KALRN: variants seen among roughly 807,000 people sequenced by gnomAD.
The protein encoded by KALRN is kalirin.
A neutral mutation model predicts 353.7 loss-of-function variants in KALRN; 70 were observed. The ratio of observed to expected loss-of-function variants is 0.20; its 90% CI spans 0.16 to 0.24. The LOEUF is 0.24. Ranked by LOEUF, KALRN falls within the 10% of genes least tolerant of loss-of-function variation. The pLI, the probability that KALRN is intolerant of heterozygous loss-of-function variation, is 1.00. For missense variants in KALRN, 2,791 were observed against 3,756.7 expected (o/e 0.74, Z 6.72); for synonymous variants, 1,391 against 1,434.8 (o/e 0.97, Z 0.69).
intron 34 of KALRN, among the ~76,000 whole-genome samples, chr3:124,626,542 C>T (rs1224052988): frequency 6.6e-6 from 1 of 152,098 alleles, no homozygotes; most frequent in Non-Finnish European, 1.5e-5. Flanking sequence ...CATACCAGAA[C>T]ATTAGGGGCT....
In KALRN at chr3:124,301,382, T is replaced by C. The variant is rs375298623; in HGVS notation, c.1092+2469T>C. 5.9e-5 allele frequency among the ~76,000 whole-genome samples: 9 copies of C among 152,312 alleles called. No individual in the cohort carries two copies. In the East Asian group the frequency reaches 9.6e-4, roughly 16 times the overall value. On this transcript the variant is annotated intron_variant, in intron 6 of 59. Transcript: ENST00000682506. The stretch of plus-strand genomic sequence containing the variant: ...GAGAGAGAAGAGAAGAGATTTAGTA[T>C]GCAACAGCCAATTAGTGTGTCCCAG...
chr3:124,493,840 GT>G (rs1561128387), intron 32 of KALRN, among the ~76,000 whole-genome samples: 1 of 152,228 alleles, frequency 6.6e-6, no homozygotes, highest in African/African-American at 2.4e-5. Context: ...ACCAGGATAA[GT>G]TCACCTCCTC....
At chr3:124,695,474 C>G (rs2062009498) in intron 53 of KALRN, among the ~76,000 whole-genome samples, 1 of 152,112 alleles carries the variant, frequency 6.6e-6, no homozygotes, top group East Asian at 1.9e-4. Flanking sequence ...TCCAAGAAGC[C>G]TAGTGTGAGA....
At chr3:124,271,159 C>T (rs938160507) in intron 5 of KALRN, among the ~76,000 whole-genome samples, 1 of 152,202 alleles carries the variant, frequency 6.6e-6, no homozygotes, top group East Asian at 1.9e-4. Flanking sequence ...AGATCTGGAA[C>T]ATCTCTTTTT....
At chr3:124,701,895 A>G in intron 56 of KALRN, 143 bp from the exon 57 acceptor site, 1 of 603,006 alleles carries the variant, frequency 1.7e-6, no homozygotes, top group Non-Finnish European at 2.9e-6. Flanking sequence ...ATTCCAGAGA[A>G]TCATGGCATT....
At chr3:124,453,594 C>T (rs566010166) in intron 21 of KALRN, among the ~76,000 whole-genome samples, 43 of 152,284 alleles carry the variant, frequency 2.8e-4, no homozygotes, top group African/African-American at 1.0e-3. Flanking sequence ...GCCTCAGTTT[C>T]CCTGATATCT....
In KALRN at chr3:124,425,750, G is replaced by A. The variant is rs190664341; in HGVS notation, c.2709+2772G>A. On this transcript the variant is annotated intron_variant, in intron 15 of 59. Coordinates refer to ENST00000682506, the MANE Select transcript of KALRN (RefSeq NM_001388419.1). ...CAACTCCCTAATTCTCTTTTCCTTC[G>A]CCGATATTAAAATAGAAATATATTT... 3.7e-3 allele frequency among the ~76,000 whole-genome samples: 560 copies of A among 151,870 alleles called. 1 individual carries two copies. Among genetic ancestry groups the A allele is most frequent in the Middle Eastern group, 6.8e-3 (2 of 294 alleles).
At chr3:124,282,163 G>T (rs1447721439) in intron 5 of KALRN, among the ~76,000 whole-genome samples, 1 of 152,114 alleles carries the variant, frequency 6.6e-6, no homozygotes, top group African/African-American at 2.4e-5. Context: ...ATGTCAGGGG[G>T]CAAAGGCAGC....
At chr3:124,443,557 G>C (rs1362574519) in intron 19 of KALRN, among the ~76,000 whole-genome samples, 1 of 152,194 alleles carries the variant, frequency 6.6e-6, no homozygotes, top group Non-Finnish European at 1.5e-5. Context: ...GTGGGGAGCT[G>C]GTATTATGTC....
At chr3:124,451,639 T>TAAA (rs2058796279) in intron 21 of KALRN, among the ~76,000 whole-genome samples, 2 of 152,068 alleles carry the variant, frequency 1.3e-5, no homozygotes, top group African/African-American at 4.8e-5. Flanking sequence ...TGGCCACGTG[T>TAAA]GGAAATAAAG....
intron 1 of KALRN, among the ~76,000 whole-genome samples, chr3:124,180,406 T>A (rs182793846): frequency 6.7e-6 from 1 of 150,336 alleles, no homozygotes; most frequent in African/African-American, 2.4e-5. Flanking sequence ...CCAGCTTTCA[T>A]CAAGAAAGGT....
intron 7 of KALRN, 75 bp downstream of exon 7, chr3:124,326,246 G>GCA: frequency 8.0e-7 from 1 of 1,255,902 alleles, no homozygotes; most frequent in Non-Finnish European, 1.1e-6. Flanking sequence ...CTGGATGGGA[G>GCA]CACACACACT....
chr3:124,057,458 G>A (rs868809099), intron 1 of KALRN, among the ~76,000 whole-genome samples: 4 of 152,290 alleles, frequency 2.6e-5, no homozygotes, highest in Middle Eastern at 3.4e-3. Flanking sequence ...AATGGTGAAA[G>A]CTCAATCATG....
chr3:124,045,866 G>T (rs755894278), intron 1 of KALRN, among the ~76,000 whole-genome samples: 1 of 152,170 alleles, frequency 6.6e-6, no homozygotes, highest in Non-Finnish European at 1.5e-5. Context: ...CCGGATGGGC[G>T]TGGGGAAGAT....
chr3:124,190,356 A>G (rs1019459841), intron 1 of KALRN, among the ~76,000 whole-genome samples: 4 of 151,994 alleles, frequency 2.6e-5, no homozygotes, highest in African/African-American at 9.7e-5. Context: ...TCAAGACCCT[A>G]CCTTCCCCCT....
intron 14 of KALRN, among the ~76,000 whole-genome samples, chr3:124,418,995 C>A (rs554877506): frequency 1.3e-5 from 2 of 151,662 alleles, no homozygotes; most frequent in Non-Finnish European, 2.9e-5. Context: ...TCGCTTGAAC[C>A]CAGGAGGCAG....
At chr3:124,580,874 G>A (rs546070875) in intron 34 of KALRN, among the ~76,000 whole-genome samples, 470 of 151,976 alleles carry the variant, frequency 3.1e-3, no homozygotes, top group Middle Eastern at 0.02. Flanking sequence ...TTGGGAGGCC[G>A]AGGGGGGCAG....
At chr3:124,158,712 G>A (rs1189688918) in intron 1 of KALRN, among the ~76,000 whole-genome samples, 1 of 152,204 alleles carries the variant, frequency 6.6e-6, no homozygotes, top group Non-Finnish European at 1.5e-5. Flanking sequence ...TGTCAGGATG[G>A]CTATATTGAT....
chr3:124,042,491 T>C (rs1435703286), intron 1 of KALRN, among the ~76,000 whole-genome samples: 2 of 152,118 alleles, frequency 1.3e-5, no homozygotes, highest in African/African-American at 4.8e-5. Flanking sequence ...TAGGAGAGTC[T>C]GAACTTGAGA....
Sources: allele counts gnomAD v4.1 joint callset (sites outside exome capture counted in the v4.1 genomes callset), GRCh38; gene constraint gnomAD v4.1.1; transcripts MANE v1.5; gene names NCBI Gene and HGNC (gene_info 2026-07-23, HGNC 2026-07-21).